PSMD14: variants seen among roughly 807,000 people sequenced by gnomAD.
PSMD14 encodes the protein ubiquitin C-terminal hydrolase PSMD14.
Under a neutral mutation model 41.2 loss-of-function variants are expected in PSMD14, and 7 were observed. That is an observed-to-expected ratio of 0.17 (90% confidence interval 0.10 to 0.32). The LOEUF (loss-of-function observed/expected upper bound fraction) is 0.32, where lower values mean the gene tolerates loss of function less well. Ranked by LOEUF, PSMD14 falls within the 10% of genes least tolerant of loss-of-function variation. PSMD14 has a pLI of 1.00. For missense variants in PSMD14, 139 were observed against 375.6 expected (o/e 0.37, Z 5.21); for synonymous variants, 114 against 122.3 (o/e 0.93, Z 0.45).
intron 3 of PSMD14, among the ~76,000 whole-genome samples, chr2:161,325,189 C>G (rs1682675681): frequency 6.6e-6 from 1 of 152,074 alleles, no homozygotes; most frequent in African/African-American, 2.4e-5. Context: ...ATCTCTGGTA[C>G]AGACCTCATT....
intron 3 of PSMD14, among the ~76,000 whole-genome samples, chr2:161,334,162 C>T (rs1470595621): frequency 6.6e-6 from 1 of 152,068 alleles, no homozygotes; most frequent in Admixed American, 6.6e-5. Context: ...GAGAAAGAAA[C>T]CCTATCTCTA....
intron 9 of PSMD14, among the ~76,000 whole-genome samples, chr2:161,394,714 A>C (rs950774018): frequency 4.6e-5 from 7 of 152,206 alleles, no homozygotes; most frequent in Non-Finnish European, 1.0e-4. Flanking sequence ...TGTAAGCATT[A>C]TACAAGTAAT....
intron 3 of PSMD14, among the ~76,000 whole-genome samples, chr2:161,323,445 A>G (rs979800631): frequency 1.3e-5 from 2 of 152,136 alleles, no homozygotes; most frequent in African/African-American, 2.4e-5. Flanking sequence ...GGCAGATGAC[A>G]TAAGGCTAGG....
At chr2:161,346,725 C>G (rs1407880025) in intron 3 of PSMD14, among the ~76,000 whole-genome samples, 1 of 151,580 alleles carries the variant, frequency 6.6e-6, no homozygotes, top group Non-Finnish European at 1.5e-5. Context: ...TCATTATTTT[C>G]TACTATTGAG....
intron 3 of PSMD14, among the ~76,000 whole-genome samples, chr2:161,349,436 T>G (rs550062078): frequency 7.6e-4 from 116 of 152,328 alleles, no homozygotes; most frequent in Non-Finnish European, 1.5e-3. Flanking sequence ...AAAACTGCAT[T>G]TATTTATAAA....
intron 3 of PSMD14, among the ~76,000 whole-genome samples, chr2:161,336,558 A>T (rs1213182284): frequency 6.6e-6 from 1 of 151,998 alleles, no homozygotes; most frequent in African/African-American, 2.4e-5. Context: ...CCACAGTTAT[A>T]TTTATTATTT....
chr2:161,369,347 ATTC>A (rs537674174), intron 5 of PSMD14, among the ~76,000 whole-genome samples: 126 of 152,146 alleles, frequency 8.3e-4, no homozygotes, highest in Non-Finnish European at 1.5e-3. Context: ...TCTGTTGCAT[ATTC>A]TTCTTCTTTT....
rs1313894274 is a variant in PSMD14 at position 161,408,858 on chromosome 2, A to T, written c.793A>T (p.Met265Leu). ...YNKAVEEEDKMTPEQLAIKNV... is the reference protein window; with the variant it reads ...YNKAVEEEDKLTPEQLAIKNV... ...ACAGGCTGTAGAAGAAGAAGATAAG[A>T]TGACACCTGAACAGCTGGCAATAAA... Residue 265 changes from methionine to leucine, a missense_variant, in exon 11 of 12, where the codon ATG becomes TTG. Physicochemically the swap from Met to Leu is conservative, Grantham distance 15. Transcript: ENST00000409682. 1 of 1,607,098 alleles carries T rather than the reference A, an allele frequency of 6.2e-7. No homozygotes were observed. The highest frequency in any genetic ancestry group is 1.3e-5 in the African/African-American group (1 of 74,776).
rs1296024666 is a variant in PSMD14 at position 161,408,822 on chromosome 2, G to A, written c.772-15G>A. The stretch of plus-strand genomic sequence containing the variant: ...TTTATAATTTTAAACTCTGTCCTTT[G>A]TGTTTCATTCACAGGCTGTAGAAGA... On this transcript the variant is annotated splice_polypyrimidine_tract_variant and intron_variant, in intron 10 of 11. Coordinates refer to ENST00000409682, the MANE Select transcript of PSMD14 (RefSeq NM_005805.6). 1.3e-6 allele frequency: 2 copies of A among 1,584,750 alleles called. No individual in the cohort carries two copies. Among genetic ancestry groups the A allele is most frequent in the Non-Finnish European group, 8.6e-7 (1 of 1,156,286 alleles).
At chr2:161,397,779 C>A (rs541080548) in intron 10 of PSMD14, among the ~76,000 whole-genome samples, 1 of 152,150 alleles carries the variant, frequency 6.6e-6, no homozygotes, top group South Asian at 2.1e-4. Context: ...GAAAAGTATG[C>A]CCTGATTATA....
chr2:161,367,715 T>C, intron 4 of PSMD14, 69 bp from the exon 5 acceptor site: 1 of 1,543,276 alleles, frequency 6.5e-7, no homozygotes, highest in South Asian at 1.2e-5. Flanking sequence ...ATTTGGTTTT[T>C]GTTTTATAAA....
intron 7 of PSMD14, among the ~76,000 whole-genome samples, chr2:161,374,950 T>C (rs1199675172): frequency 6.6e-6 from 1 of 152,046 alleles, no homozygotes; most frequent in Non-Finnish European, 1.5e-5. Flanking sequence ...GCTAACTAAC[T>C]CCTAACAATC....
chr2:161,360,264 A>G (rs767976952), intron 3 of PSMD14, among the ~76,000 whole-genome samples: 1 of 147,440 alleles, frequency 6.8e-6, no homozygotes, highest in Non-Finnish European at 1.5e-5. Flanking sequence ...ATCATGACTC[A>G]CTGCAGCCTT....
intron 3 of PSMD14, among the ~76,000 whole-genome samples, chr2:161,366,419 CACAA>C (rs1683359436): frequency 7.0e-6 from 1 of 142,252 alleles, no homozygotes; most frequent in African/African-American, 2.7e-5. Flanking sequence ...CACACACACA[CACAA>C]AAGCACAAAG....
chr2:161,367,524 A>G lies in PSMD14; in HGVS notation c.95A>G (p.Tyr32Cys), dbSNP rs1255835012. 1.9e-6 allele frequency: 3 copies of G among 1,602,918 alleles called. No homozygotes were observed. Among genetic ancestry groups the G allele is most frequent in the Non-Finnish European group, 2.6e-6 (3 of 1,174,200 alleles). Residue 32 changes from tyrosine to cysteine, a missense_variant, in exon 4 of 12, where the codon TAT becomes TGT. Physicochemically the swap from Tyr to Cys is radical, Grantham distance 194. Transcript: ENST00000409682. ...GCAGTGGACACAGCAGAACAAGTCT[A>G]TATCTCTTCCCTGGCACTGTTAAAA... is the stretch of plus-strand genomic sequence containing the variant. ...APAVDTAEQV[Y>C]ISSLALLKML...
Position 161,411,517 on chromosome 2 carries a change from AT to A in PSMD14, c.*120del, listed in dbSNP as rs1367278015. On this transcript the variant is annotated 3_prime_UTR_variant, in exon 12 of 12. Coordinates refer to ENST00000409682, the MANE Select transcript of PSMD14 (RefSeq NM_005805.6). ...GGCTAAATGTAAGACATCTGGCATCATTTGCAGCACTGTAACACCTTCAGTC... is the reference window on the plus strand; with the variant it reads ...GGCTAAATGTAAGACATCTGGCATCATTGCAGCACTGTAACACCTTCAGTC... The A allele has an allele frequency of 1.7e-6, 1 of 580,694 alleles. No individual in the cohort carries two copies. The highest frequency in any genetic ancestry group is 2.9e-6 in the Non-Finnish European group (1 of 350,446). 36.0% of individuals were successfully genotyped at this position (580,694 alleles called of 1,614,324 possible).
chr2:161,377,855 A>C (rs1277593818), intron 7 of PSMD14, among the ~76,000 whole-genome samples: 1 of 151,898 alleles, frequency 6.6e-6, no homozygotes, highest in Non-Finnish European at 1.5e-5. Context: ...CATTGGTTCA[A>C]CAGACACTTG....
At chr2:161,347,936 A>G (rs1683067513) in intron 3 of PSMD14, among the ~76,000 whole-genome samples, 1 of 152,222 alleles carries the variant, frequency 6.6e-6, no homozygotes, top group Non-Finnish European at 1.5e-5. Context: ...GGCTTGGGAA[A>G]GTTTTATCTA....
chr2:161,353,165 G>A (rs1475321810), intron 3 of PSMD14, among the ~76,000 whole-genome samples: 1 of 152,158 alleles, frequency 6.6e-6, no homozygotes, highest in East Asian at 1.9e-4. Flanking sequence ...TATCATAATA[G>A]TGAAATCTTG....
Sources: gnomAD v4.1 joint callset for allele counts (sites outside exome capture counted in the v4.1 genomes callset) on GRCh38, gnomAD v4.1.1 for gene constraint, MANE v1.5 for transcripts, NCBI Gene and HGNC (gene_info 2026-07-23, HGNC 2026-07-21) for gene names.